The following ZNF652 variants were observed in gnomAD, a reference collection of about 807,000 sequenced individuals.
The protein encoded by ZNF652 is zinc finger protein 652.
A neutral mutation model predicts 45.2 loss-of-function variants in ZNF652; 16 were observed. That is an observed-to-expected ratio of 0.35 (90% CI 0.24 to 0.54). The LOEUF is 0.54. Among genes scored for constraint, ZNF652 ranks in the 20% least tolerant of loss-of-function variants. The pLI is 0.91. For missense variants in ZNF652, 614 were observed against 765.6 expected (o/e 0.80, Z 2.34); for synonymous variants, 250 against 260.6 (o/e 0.96, Z 0.39).
chr17:49,305,636 T>G (rs1187589459), intron 5 of ZNF652, among the ~76,000 whole-genome samples: 1 of 152,146 alleles, frequency 6.6e-6, no homozygotes, highest in Non-Finnish European at 1.5e-5. Flanking sequence ...GCATTTTACC[T>G]GCTATTATCA....
intron 1 of ZNF652, among the ~76,000 whole-genome samples, chr17:49,357,802 T>C (rs1346381009): frequency 6.6e-6 from 1 of 152,156 alleles, no homozygotes; most frequent in Non-Finnish European, 1.5e-5. Context: ...GGTAGCACTG[T>C]AGAATTTGGA....
At chr17:49,321,686 G>C (rs888522933) in intron 1 of ZNF652, among the ~76,000 whole-genome samples, 1 of 152,150 alleles carries the variant, frequency 6.6e-6, no homozygotes, top group African/African-American at 2.4e-5. Flanking sequence ...TTACCAAAAA[G>C]CCTAAAATAT....
At chr17:49,356,777 C>A (rs563896543) in intron 1 of ZNF652, among the ~76,000 whole-genome samples, 5 of 152,208 alleles carry the variant, frequency 3.3e-5, no homozygotes. Flanking sequence ...GTAAATCCTA[C>A]TGTATTACTG....
In ZNF652 at chr17:49,317,536, C is replaced by T; in HGVS notation, c.190G>A (p.Asp64Asn). The change falls in exon 2 of 6, where the codon GAC (aspartate) becomes AAC (asparagine). Residue 64 changes from aspartate to asparagine, a missense_variant. Asp to Asn is a conservative substitution (Grantham distance 23). Transcript: ENST00000430262. ...ESGSPYSVLV[D>N]TKMSKPHLHE... Reference sequence around the variant, plus strand: ...AGATGCGGTTTGCTCATCTTGGTGTCCACTAACACAGAATAAGGACTTCCT... The same window carrying T: ...AGATGCGGTTTGCTCATCTTGGTGTTCACTAACACAGAATAAGGACTTCCT... The T allele has an allele frequency of 6.2e-7, 1 of 1,614,068 alleles. No homozygotes were observed. Among genetic ancestry groups the T allele is most frequent in the Non-Finnish European group, 8.5e-7 (1 of 1,180,016 alleles).
chr17:49,341,202 AG>A, intron 1 of ZNF652, among the ~76,000 whole-genome samples: 1 of 152,112 alleles, frequency 6.6e-6, no homozygotes, highest in Non-Finnish European at 1.5e-5. Flanking sequence ...TGGGTGACAG[AG>A]CGAGACTGTC....
intron 1 of ZNF652, among the ~76,000 whole-genome samples, chr17:49,351,677 T>A (rs2070284558): frequency 6.6e-6 from 1 of 152,008 alleles, no homozygotes; most frequent in Admixed American, 6.6e-5. Context: ...TTTTCTAGAA[T>A]CCTTAGTTTT....
chr17:49,325,653 A>C (rs996293248), intron 1 of ZNF652, among the ~76,000 whole-genome samples: 8 of 147,004 alleles, frequency 5.4e-5, no homozygotes, highest in African/African-American at 2.0e-4. Flanking sequence ...TCTCGTCTCT[A>C]CAAAAAAAAA....
In ZNF652 at chr17:49,312,213, C is replaced by T. The variant is rs146648109; in HGVS notation, c.1049-171G>A. On this transcript the variant is annotated intron_variant, in intron 3 of 5. Coordinates refer to ENST00000430262, the MANE Select transcript of ZNF652 (RefSeq NM_001145365.3). Reference sequence around the variant, plus strand: ...TGGAGTCTTGCTCTGTCGCACAGGCCGGAGTGCAGTGGCGCAATCTTGGCT... The same window carrying T: ...TGGAGTCTTGCTCTGTCGCACAGGCTGGAGTGCAGTGGCGCAATCTTGGCT... Among the ~76,000 whole-genome samples the T allele has an allele frequency of 6.3e-3, 911 of 144,064 alleles. 29 individuals carry two copies. The highest frequency in any genetic ancestry group is 0.059 in the East Asian group (289 of 4,868). The allele number at this position is 144,064 out of a possible 152,430, so 94.5% of individuals were successfully genotyped here.
rs1482000841 is a variant in ZNF652 at position 49,291,516 on chromosome 17, G to A, written c.*6897C>T. On this transcript the variant is annotated 3_prime_UTR_variant, in exon 6 of 6. Transcript: ENST00000430262. ...TGATCTCACCAGAGAAGCTGACGTA[G>A]TGTGAAAGTAACCTGCGACTGGAAA... The A allele has an allele frequency of 1.3e-5, 2 of 152,192 alleles. No individual in the cohort carries two copies. The highest frequency in any genetic ancestry group is 6.5e-5 in the Admixed American group (1 of 15,276). The allele number at this position is 152,192 out of a possible 1,614,324, so 9.4% of individuals were successfully genotyped here.
In ZNF652 at chr17:49,347,887, G is replaced by C. The variant is rs151133424; in HGVS notation, c.-259+14022C>G. Among the ~76,000 whole-genome samples the C allele has an allele frequency of 4.4e-3, 674 of 151,788 alleles. 5 individuals carry two copies. Among genetic ancestry groups the C allele is most frequent in the African/African-American group, 0.013 (558 of 41,402 alleles). On this transcript the variant is annotated intron_variant, in intron 1 of 5. Transcript: ENST00000430262. Reference sequence around the variant, plus strand: ...ACCTTCCCAAATAGCTGGGACTAGAGGTGTGCACCACCACACCCAGCTAAG... The same window carrying C: ...ACCTTCCCAAATAGCTGGGACTAGACGTGTGCACCACCACACCCAGCTAAG...
At chr17:49,347,740 G>GGT (rs2070220659) in intron 1 of ZNF652, among the ~76,000 whole-genome samples, 17 of 81,216 alleles carry the variant, frequency 2.1e-4, no homozygotes, top group African/African-American at 8.1e-4. Flanking sequence ...CCTTGGTTTT[G>GGT]TTTTTTTTTT....
chr17:49,298,557 T>G lies in ZNF652; in HGVS notation c.1677A>C (p.Pro559=), dbSNP rs768530422. 1 of 1,590,942 alleles carries G rather than the reference T, an allele frequency of 6.3e-7. No homozygotes were observed. Among genetic ancestry groups the G allele is most frequent in the Admixed American group, 1.8e-5 (1 of 56,694 alleles). The part of the protein sequence containing the change: ...HLHIHPHPHH[P]HHLPIPPVPH... Reference sequence around the variant, plus strand: ...GGACTGGAGGGATGGGAAGGTGGTGTGGGTGGTGAGGGTGTGGGTGGATGT... The same window carrying G: ...GGACTGGAGGGATGGGAAGGTGGTGGGGGTGGTGAGGGTGTGGGTGGATGT... The change falls in exon 6 of 6, where the codon CCA becomes CCC. Residue 559 remains proline, a synonymous_variant. Coordinates refer to ENST00000430262, the MANE Select transcript of ZNF652 (RefSeq NM_001145365.3).
intron 1 of ZNF652, among the ~76,000 whole-genome samples, chr17:49,351,014 T>TACATACAC (rs2070273613): frequency 1.0e-4 from 3 of 29,724 alleles, no homozygotes; most frequent in Admixed American, 3.5e-4. Context: ...TATATATATA[T>TACATACAC]ACACACACAC....
intron 1 of ZNF652, among the ~76,000 whole-genome samples, chr17:49,342,993 T>C (rs1174969076): frequency 6.6e-6 from 1 of 151,982 alleles, no homozygotes; most frequent in African/African-American, 2.4e-5. Context: ...GCGATTCTCC[T>C]GCCTCAGCCT....
intron 1 of ZNF652, among the ~76,000 whole-genome samples, chr17:49,325,093 G>A (rs560511319): frequency 3.3e-5 from 5 of 152,174 alleles, no homozygotes; most frequent in Middle Eastern, 3.4e-3. Flanking sequence ...TTGCATTCAC[G>A]ACTTGATAGT....
intron 5 of ZNF652, among the ~76,000 whole-genome samples, chr17:49,307,586 CAA>C (rs35063586): frequency 7.3e-5 from 9 of 123,506 alleles, no homozygotes; most frequent in Admixed American, 1.7e-4. Flanking sequence ...ACTAAAAATA[CAA>C]AAAAAAAAAA....
intron 5 of ZNF652, among the ~76,000 whole-genome samples, chr17:49,310,053 A>C (rs2069688411): frequency 6.6e-6 from 1 of 152,112 alleles, no homozygotes. Flanking sequence ...TCCTGGGTTC[A>C]CGCCATTCTC....
chr17:49,304,874 A>ATG lies in ZNF652; in HGVS notation c.1310-5952_1310-5951dup, dbSNP rs201782452. Reference sequence around the variant, plus strand: ...GCAGAATATACATATATGTATATATATGTGTATATATATATATATATACAC... The same window carrying ATG: ...GCAGAATATACATATATGTATATATATGTGTGTATATATATATATATATACAC... On this transcript the variant is annotated intron_variant, in intron 5 of 5. Coordinates refer to ENST00000430262, the MANE Select transcript of ZNF652 (RefSeq NM_001145365.3). Among the ~76,000 whole-genome samples, 314 of 108,658 alleles carry ATG rather than the reference A, an allele frequency of 2.9e-3. 3 individuals are homozygous for ATG. The highest frequency in any genetic ancestry group is 0.01 in the African/African-American group (287 of 28,326). The allele number at this position is 108,658 out of a possible 152,430, so 71.3% of individuals were successfully genotyped here.
At chr17:49,355,645 A>G (rs1405806117) in intron 1 of ZNF652, among the ~76,000 whole-genome samples, 2 of 151,312 alleles carry the variant, frequency 1.3e-5, no homozygotes, top group Non-Finnish European at 3.0e-5. Flanking sequence ...CACGCCTGTA[A>G]TCCCAGCACT....
Sources: allele counts gnomAD v4.1 joint callset (sites outside exome capture counted in the v4.1 genomes callset), GRCh38; gene constraint gnomAD v4.1.1; transcripts MANE v1.5; gene names NCBI Gene and HGNC (gene_info 2026-07-23, HGNC 2026-07-21).